The following MTG1 variants were observed in gnomAD, a reference collection of about 807,000 sequenced individuals.
MTG1 encodes the protein mitochondrial ribosome associated GTPase 1.
MTG1 carries 30 observed loss-of-function variants against 39.5 expected under a neutral mutation model. The ratio of observed to expected loss-of-function variants is 0.76; its 90% CI spans 0.57 to 1.03. MTG1 has a LOEUF of 1.03. Ranked by LOEUF, MTG1 falls within the 50% of genes least tolerant of loss-of-function variation. The probability of loss-of-function intolerance (pLI) is 0.00; values close to 1 mark genes in which losing one functional copy is unlikely to be tolerated. For synonymous variants in MTG1, 217 were observed against 179.0 expected (o/e 1.21, Z -1.69); for missense variants, 513 against 447.4 (o/e 1.15, Z -1.32).
At position 133,420,089 on chromosome 10, in the gene MTG1, G is replaced by C; in HGVS notation, c.929G>C (p.Arg310Pro). 1 of 1,613,456 alleles carries C rather than the reference G, an allele frequency of 6.2e-7. No individual in the cohort carries two copies. Among genetic ancestry groups the C allele is most frequent in the South Asian group, 1.1e-5 (1 of 91,056 alleles). ...GCCCGTGACTTCCTGCAGACTTTCC[G>C]CCGTGGGCTGCTGGGTTCCGTGATG... ...AAARDFLQTFRRGLLGSVMLD... is the reference protein window; with the variant it reads ...AAARDFLQTFPRGLLGSVMLD... The change falls in exon 11 of 11, where the codon CGC becomes CCC. Residue 310 changes from arginine (R) to proline (P), a missense_variant. Arg to Pro is a moderately radical substitution (Grantham distance 103, BLOSUM62 -2). Transcript: ENST00000317502.
rs1477233587 is a variant in MTG1, at chr10:133,394,248, A to G, written c.28A>G (p.Ser10Gly). 4 of 1,517,352 alleles carry G rather than the reference A, an allele frequency of 2.6e-6. No homozygotes were observed. The African/African-American group carries it at 4.3e-5, about 16-fold the overall frequency. The allele number at this position is 1,517,352 out of a possible 1,614,324, so 94.0% of individuals were successfully genotyped here. Reference sequence around the variant, plus strand: ...GAGATTGACCCCGCGCGCGCTGTGCAGCGCCGCCCAGGCCGCCTGGCGGGA... The same window carrying G: ...GAGATTGACCCCGCGCGCGCTGTGCGGCGCCGCCCAGGCCGCCTGGCGGGA... MRLTPRALC[S>G]AAQAAWRENF... The change falls in exon 1 of 11, where the codon AGC (serine) becomes GGC (glycine). Residue 10 changes from serine (S) to glycine (G), a missense_variant. Physicochemically the swap from Ser to Gly is moderately conservative, Grantham distance 56. Coordinates refer to ENST00000317502, the MANE Select transcript of MTG1 (RefSeq NM_138384.4).
rs1044223135 is a variant in MTG1 at position 133,402,892 on chromosome 10, A to T, written c.752+119A>T. 6 of 750,722 alleles carry T rather than the reference A, an allele frequency of 8.0e-6. No individual in the cohort carries two copies. The highest frequency in any genetic ancestry group is 2.5e-4 in the Middle Eastern group (1 of 3,970). 46.5% of individuals were successfully genotyped at this position (750,722 alleles called of 1,614,324 possible). A position where few individuals can be genotyped will look rare whatever the true frequency, so the allele number is the denominator to read the frequency against. On this transcript the variant is annotated intron_variant, in intron 9 of 10. Transcript: ENST00000317502. The surrounding 1 kb of genome is among the most constrained non-coding windows in gnomAD (Gnocchi z 4.7). ...AGGTATTATAAACACGGTAACCTGC[A>T]CATCGTTTAAAGCGTCCAGTTGGAC...
At chr10:133,416,509 C>T (rs1422448378) in intron 9 of MTG1, among the ~76,000 whole-genome samples, 1 of 149,890 alleles carries the variant, frequency 6.7e-6, no homozygotes, top group Non-Finnish European at 1.5e-5. Context: ...CCCATTAACT[C>T]GTCATTTAGC....
intron 6 of MTG1, among the ~76,000 whole-genome samples, chr10:133,401,027 C>T (rs1336851378): frequency 6.6e-6 from 1 of 152,202 alleles, no homozygotes; most frequent in East Asian, 1.9e-4. Context: ...GGTTGTTTGT[C>T]CACAGTGGAG....
chr10:133,395,601 A>G (rs4838742), intron 1 of MTG1, 112 bp from the exon 2 acceptor site: 959,583 of 961,824 alleles, frequency 1, 478,702 homozygotes, highest in East Asian at 1. Context: ...TCCCTCAGAT[A>G]TAGTCTTTTT....
Position 133,394,380 on chromosome 10 carries a change from C to G in MTG1, c.112+48C>G, listed in dbSNP as rs1487617797. 2.9e-6 allele frequency: 4 copies of G among 1,401,660 alleles called. No homozygotes were observed. The African/African-American group carries it at 6.0e-5, about 21-fold the overall frequency. 86.8% of individuals were successfully genotyped at this position (1,401,660 alleles called of 1,614,324 possible). A position where few individuals can be genotyped will look rare whatever the true frequency, so the allele number is the denominator to read the frequency against. ...AAGGTCATGCCTACGGCCGCGGCGCCTCTGCTTCCCTCCCACCCCGGTTTC... is the reference window on the plus strand; with the variant it reads ...AAGGTCATGCCTACGGCCGCGGCGCGTCTGCTTCCCTCCCACCCCGGTTTC... On this transcript the variant is annotated intron_variant, in intron 1 of 10. Coordinates refer to ENST00000317502, the MANE Select transcript of MTG1 (RefSeq NM_138384.4).
chr10:133,394,666 G>T, intron 1 of MTG1: 1 of 1,159,862 alleles, frequency 8.6e-7, no homozygotes, highest in Non-Finnish European at 1.1e-6. Context: ...CGAAGCCTCC[G>T]TTTCCACATG....
At position 133,402,914 on chromosome 10, in the gene MTG1, G is replaced by T; in HGVS notation, c.752+141G>T. 1 of 645,052 alleles carries T rather than the reference G, an allele frequency of 1.6e-6. No individual in the cohort carries two copies. 40.0% of individuals were successfully genotyped at this position (645,052 alleles called of 1,614,324 possible). On this transcript the variant is annotated intron_variant, in intron 9 of 10. Transcript: ENST00000317502. This position sits in a 1 kb window ranked among gnomAD's most constrained non-coding sequence, Gnocchi z 4.7. ...TGCACATCGTTTAAAGCGTCCAGTT[G>T]GACAAGTTCGGGAGTATGGCTATAC...
chr10:133,402,392 T>G lies in MTG1; in HGVS notation c.670+147T>G, dbSNP rs1240894958. 9.8e-6 allele frequency: 9 copies of G among 920,224 alleles called. No individual in the cohort carries two copies. In the Admixed American group the frequency reaches 1.6e-4, roughly 17 times the overall value. 57.0% of individuals were successfully genotyped at this position (920,224 alleles called of 1,614,324 possible). A position where few individuals can be genotyped will look rare whatever the true frequency, so the allele number is the denominator to read the frequency against. On this transcript the variant is annotated intron_variant, in intron 8 of 10. Transcript: ENST00000317502. The surrounding 1 kb of genome is among the most constrained non-coding windows in gnomAD (Gnocchi z 4.7). ...GCCAGACCTTCCTCGAAGCTTAGTG[T>G]GAGAGCTGTAATAGTGCACAGCTGA...
At chr10:133,414,515 C>T (rs1224685607) in intron 9 of MTG1, among the ~76,000 whole-genome samples, 2 of 152,110 alleles carry the variant, frequency 1.3e-5, no homozygotes, top group South Asian at 4.1e-4. Context: ...GGGCTCCTCA[C>T]ATCCCAGACG....
At chr10:133,396,367 GC>G in intron 3 of MTG1, 100 bp downstream of exon 3, 1 of 1,028,338 alleles carries the variant, frequency 9.7e-7, no homozygotes, top group Non-Finnish European at 1.5e-6. Flanking sequence ...TTGTCAGTTT[GC>G]CCAGGCAGGC....
chr10:133,417,845 C>T (rs559269428), intron 9 of MTG1, among the ~76,000 whole-genome samples: 21 of 152,292 alleles, frequency 1.4e-4, no homozygotes, highest in Middle Eastern at 6.8e-3. Flanking sequence ...TCAAGGAGAA[C>T]TACAAACCAC....
intron 9 of MTG1, among the ~76,000 whole-genome samples, chr10:133,405,104 G>T (rs1004311253): frequency 1.2e-4 from 19 of 152,204 alleles, no homozygotes; most frequent in Non-Finnish European, 2.5e-4. Flanking sequence ...TTATAGGTCA[G>T]TCTGGGGAAG....
At position 133,403,694 on chromosome 10, in the gene MTG1, T is replaced by G. The variant is rs368937217; in HGVS notation, c.752+921T>G. ...CCCGTTGATGGATATGTGGGTTGTT[T>G]GCAGGTTTTGGCTATTGCAGATAAA... is the stretch of plus-strand genomic sequence containing the variant. On this transcript the variant is annotated intron_variant, in intron 9 of 10. Coordinates refer to ENST00000317502, the MANE Select transcript of MTG1 (RefSeq NM_138384.4). Among the ~76,000 whole-genome samples, 87 of 152,360 alleles carry G rather than the reference T, an allele frequency of 5.7e-4. No homozygotes were observed. The South Asian group carries it at 0.017, about 30-fold the overall frequency.
chr10:133,404,771 G>A (rs1849945703), intron 9 of MTG1, among the ~76,000 whole-genome samples: 1 of 152,020 alleles, frequency 6.6e-6, no homozygotes, highest in African/African-American at 2.4e-5. Flanking sequence ...AGAACCAGTT[G>A]TTCCGGAAAC....
intron 1 of MTG1, chr10:133,394,770 C>T (rs1410506193): frequency 5.1e-6 from 5 of 979,940 alleles, no homozygotes; most frequent in Middle Eastern, 5.1e-4. Context: ...TATCTTGAGT[C>T]GTTCTCCTGC....
At chr10:133,418,022 T>C (rs1264427106) in intron 9 of MTG1, among the ~76,000 whole-genome samples, 1 of 152,196 alleles carries the variant, frequency 6.6e-6, no homozygotes. Flanking sequence ...TTTTTTGAGA[T>C]GGCATCTCAC....
At chr10:133,417,089 T>C (rs1225512941) in intron 9 of MTG1, among the ~76,000 whole-genome samples, 1 of 151,790 alleles carries the variant, frequency 6.6e-6, no homozygotes, top group African/African-American at 2.4e-5. Context: ...TTTTAATGAT[T>C]GCCATTCTAA....
intron 3 of MTG1, among the ~76,000 whole-genome samples, chr10:133,397,069 G>A (rs1422603395): frequency 6.6e-6 from 1 of 152,208 alleles, no homozygotes; most frequent in Non-Finnish European, 1.5e-5. Context: ...TTATCCGGAG[G>A]CTTAACTGTC....
Sources: gnomAD v4.1 joint callset for allele counts (sites outside exome capture counted in the v4.1 genomes callset) on GRCh38, gnomAD v4.1.1 for gene constraint, Gnocchi (gnomAD v3.1) non-coding constraint, MANE v1.5 for transcripts, NCBI Gene and HGNC (gene_info 2026-07-23, HGNC 2026-07-21) for gene names.